Variants in UQCC1 observed in about 807,000 individuals in gnomAD.
The protein encoded by UQCC1 is bFGF-repressed Zic-binding protein.
A neutral mutation model predicts 48.0 loss-of-function variants in UQCC1; 38 were observed. The ratio of observed to expected loss-of-function variants is 0.79; its 90% CI spans 0.61 to 1.04. The LOEUF is 1.04. Ranked by LOEUF, UQCC1 falls within the 50% of genes least tolerant of loss-of-function variation. UQCC1 has a pLI of 0.00. For missense variants in UQCC1, 368 were observed against 381.8 expected (o/e 0.96, Z 0.30); for synonymous variants, 111 against 129.2 (o/e 0.86, Z 0.95).
At chr20:35,394,024 A>G (rs2146514563) in intron 2 of UQCC1, 68 bp downstream of exon 2, 1 of 1,485,118 alleles carries the variant, frequency 6.7e-7, no homozygotes, top group Non-Finnish European at 9.4e-7. Context: ...TGGCTAATCT[A>G]TAAATACATG....
intron 2 of UQCC1, among the ~76,000 whole-genome samples, chr20:35,387,625 A>G (rs1043789968): frequency 2.6e-5 from 4 of 152,134 alleles, no homozygotes. Flanking sequence ...AAAGGAATTT[A>G]GGCTGTTTAG....
At chr20:35,409,367 G>A (rs568336053) in intron 1 of UQCC1, 1 of 155,322 alleles carries the variant, frequency 6.4e-6, no homozygotes, top group Non-Finnish European at 1.4e-5. Context: ...CTACTCAGGA[G>A]GCTGAGGCAG....
intron 7 of UQCC1, among the ~76,000 whole-genome samples, chr20:35,323,274 T>C (rs991980864): frequency 1.3e-5 from 2 of 152,152 alleles, no homozygotes; most frequent in Non-Finnish European, 2.9e-5. Flanking sequence ...AAGAGTAAAA[T>C]AGACTCTTTT....
chr20:35,349,291 T>A (rs972040313), intron 6 of UQCC1, among the ~76,000 whole-genome samples: 3 of 152,204 alleles, frequency 2.0e-5, no homozygotes, highest in Non-Finnish European at 2.9e-5. Context: ...ACAGGTTGAA[T>A]CTAACAAGAT....
chr20:35,400,070 G>A (rs6142375), intron 1 of UQCC1, among the ~76,000 whole-genome samples: 2,268 of 151,260 alleles, frequency 0.015, 129 homozygotes, highest in East Asian at 0.096. Context: ...GGACTAGAGC[G>A]GCGCGCTACC....
At chr20:35,314,300 CAAA>C (rs111291087) in intron 8 of UQCC1, among the ~76,000 whole-genome samples, 1 of 129,356 alleles carries the variant, frequency 7.7e-6, no homozygotes. Context: ...ATAATTAAAG[CAAA>C]AAAAAAAAAA....
intron 4 of UQCC1, among the ~76,000 whole-genome samples, chr20:35,381,058 G>A (rs534774555): frequency 6.6e-6 from 1 of 152,278 alleles, no homozygotes; most frequent in African/African-American, 2.4e-5. Flanking sequence ...TTCTATAATT[G>A]GTTAGAGGTA....
At chr20:35,304,128 A>C in intron 9 of UQCC1, 59 bp from the exon 10 acceptor site, 1 of 1,607,234 alleles carries the variant, frequency 6.2e-7, no homozygotes, top group South Asian at 1.1e-5. Flanking sequence ...GTGAGGAGCC[A>C]GCGTCAGGAA....
At chr20:35,402,566 A>G (rs2062180648) in intron 1 of UQCC1, among the ~76,000 whole-genome samples, 1 of 148,458 alleles carries the variant, frequency 6.7e-6, no homozygotes, top group Non-Finnish European at 1.5e-5. Flanking sequence ...CGACAGAGCG[A>G]GACTCCATCT....
intron 3 of UQCC1, among the ~76,000 whole-genome samples, chr20:35,382,871 T>G (rs1177936769): frequency 2.6e-5 from 4 of 152,160 alleles, no homozygotes; most frequent in Non-Finnish European, 5.9e-5. Flanking sequence ...CTGTACCTAA[T>G]AGATGCCCTC....
chr20:35,303,923 G>A lies in UQCC1; in HGVS notation c.*12C>T, dbSNP rs1235056500. The A allele has an allele frequency of 1.2e-6, 2 of 1,614,050 alleles. No homozygotes were observed. The highest frequency in any genetic ancestry group is 1.7e-6 in the Non-Finnish European group (2 of 1,180,010). On this transcript the variant is annotated 3_prime_UTR_variant, in exon 10 of 10. Transcript: ENST00000374385. ...GAAGCCAGCTGGCGGGCCGTGCGGA[G>A]GGCCCAGCCCATCAAAGTCCCTCGT...
chr20:35,306,877 G>T, intron 8 of UQCC1, 98 bp from the exon 9 acceptor site: 1 of 923,370 alleles, frequency 1.1e-6, no homozygotes, highest in Non-Finnish European at 1.8e-6. Context: ...CATGGAATCA[G>T]CTCAGAAGGG....
chr20:35,328,934 T>G (rs1463318987), intron 7 of UQCC1, among the ~76,000 whole-genome samples: 1 of 152,236 alleles, frequency 6.6e-6, no homozygotes, highest in East Asian at 1.9e-4. Context: ...GTAAGCCCTG[T>G]AAGATCACTT....
chr20:35,374,504 A>C (rs923421541), intron 4 of UQCC1, among the ~76,000 whole-genome samples: 1 of 152,186 alleles, frequency 6.6e-6, no homozygotes, highest in African/African-American at 2.4e-5. Context: ...CCAATATTTA[A>C]ATGAAATCTC....
At chr20:35,411,898 G>T (rs759634994) in intron 1 of UQCC1, 42 bp downstream of exon 1, 1 of 1,613,758 alleles carries the variant, frequency 6.2e-7, no homozygotes, top group African/African-American at 1.3e-5. Flanking sequence ...ACTCCAACCC[G>T]GGACCCAGAG....
At chr20:35,331,904 A>G (rs2061261376) in intron 7 of UQCC1, among the ~76,000 whole-genome samples, 1 of 152,212 alleles carries the variant, frequency 6.6e-6, no homozygotes, top group African/African-American at 2.4e-5. Context: ...TCAAGTACTT[A>G]ATATGTGCCA....
intron 9 of UQCC1, chr20:35,304,664 G>A (rs899695821): frequency 3.9e-5 from 6 of 154,264 alleles, no homozygotes; most frequent in African/African-American, 1.4e-4. Context: ...TCCTCTAGTG[G>A]GCCCCTGGTC....
chr20:35,354,637 C>T (rs1319451068), intron 6 of UQCC1, among the ~76,000 whole-genome samples: 3 of 151,828 alleles, frequency 2.0e-5, no homozygotes, highest in South Asian at 2.1e-4. Context: ...CCTCTTGATC[C>T]GCCCACCTTG....
chr20:35,358,611 G>C (rs913461712), intron 6 of UQCC1, among the ~76,000 whole-genome samples: 2 of 152,112 alleles, frequency 1.3e-5, no homozygotes, highest in Non-Finnish European at 2.9e-5. Flanking sequence ...CCAGGCTGGA[G>C]TGCAGTGGCA....
Sources: allele counts gnomAD v4.1 joint callset (sites outside exome capture counted in the v4.1 genomes callset), GRCh38; gene constraint gnomAD v4.1.1; transcripts MANE v1.5; gene names NCBI Gene and HGNC (gene_info 2026-07-23, HGNC 2026-07-21).